The following CCDC144A variants were observed in gnomAD, a reference collection of about 807,000 sequenced individuals.
CCDC144A encodes coiled-coil domain containing 144A.
A neutral mutation model predicts 143.8 loss-of-function variants in CCDC144A; 41 were observed. The observed-to-expected ratio is 0.29, with a 90% CI of 0.22 to 0.37. The LOEUF is 0.37. Among genes scored for constraint, CCDC144A ranks in the 10% least tolerant of loss-of-function variants. The pLI, the probability that CCDC144A is intolerant of heterozygous loss-of-function variation, is 1.00. For synonymous variants in CCDC144A, 242 were observed against 517.9 expected (o/e 0.47, Z 7.23); for missense variants, 637 against 1,488.8 (o/e 0.43, Z 9.41).
chr17:16,728,352 TA>T (rs1386438818), intron 9 of CCDC144A, among the ~76,000 whole-genome samples: 5 of 152,346 alleles, frequency 3.3e-5, no homozygotes, highest in African/African-American at 1.2e-4. Flanking sequence ...GAACATTTTT[TA>T]TATAAATGTT....
At chr17:16,742,536 G>A (rs551695094) in intron 12 of CCDC144A, among the ~76,000 whole-genome samples, 39 of 152,230 alleles carry the variant, frequency 2.6e-4, no homozygotes, top group Non-Finnish European at 3.1e-4. Flanking sequence ...GGGAATACTG[G>A]TATCCCTTTG....
At chr17:16,679,537 C>G in the CCDC144A span, among the ~76,000 whole-genome samples, 2 of 152,012 alleles carry the variant, frequency 1.3e-5, no homozygotes, top group Admixed American at 1.3e-4. Context: ...TTAACACCAC[C>G]ACACACTGGA....
intron 11 of CCDC144A, among the ~76,000 whole-genome samples, chr17:16,734,087 T>C (rs1913882347): frequency 6.7e-6 from 1 of 150,110 alleles, no homozygotes; most frequent in African/African-American, 2.5e-5. Context: ...CTACAGTGAG[T>C]CTTGATTGCG....
At chr17:16,709,918 G>A (rs71360192) in intron 5 of CCDC144A, 30 of 348,336 alleles carry the variant, frequency 8.6e-5, no homozygotes, top group Admixed American at 6.6e-4. Context: ...CAGGAGAGGC[G>A]TCAAGAAAAT....
intron 12 of CCDC144A, among the ~76,000 whole-genome samples, chr17:16,757,859 A>G (rs916647765): frequency 1.3e-5 from 2 of 152,130 alleles, no homozygotes; most frequent in Non-Finnish European, 2.9e-5. Flanking sequence ...CTATTTCCAC[A>G]GGTATATGGT....
intron 6 of CCDC144A, among the ~76,000 whole-genome samples, chr17:16,715,706 CTG>C (rs565013346): frequency 2.7e-3 from 414 of 152,312 alleles, no homozygotes; most frequent in African/African-American, 9.7e-3. Flanking sequence ...ATCAGGCACT[CTG>C]TATTCTGACA....
At chr17:16,718,475 T>TAG (rs1321224383) in intron 6 of CCDC144A, among the ~76,000 whole-genome samples, 1 of 152,226 alleles carries the variant, frequency 6.6e-6, no homozygotes, top group African/African-American at 2.4e-5. Flanking sequence ...AAACTAATTG[T>TAG]CCTTAAAGTG....
chr17:16,670,392 A>T, the CCDC144A span, among the ~76,000 whole-genome samples: 1 of 146,466 alleles, frequency 6.8e-6, no homozygotes, highest in African/African-American at 2.5e-5. Context: ...GGTTCAAGTC[A>T]TTCTCCTGCC....
chr17:16,724,505 G>A, intron 8 of CCDC144A, among the ~76,000 whole-genome samples: 1 of 130,092 alleles, frequency 7.7e-6, no homozygotes, highest in East Asian at 2.3e-4. Context: ...GCGAGACTCC[G>A]TCTCAAAAAA....
At chr17:16,733,235 T>G (rs1913830312) in intron 11 of CCDC144A, among the ~76,000 whole-genome samples, 1 of 148,204 alleles carries the variant, frequency 6.7e-6, no homozygotes, top group Non-Finnish European at 1.5e-5. Flanking sequence ...TAAGTGTTTT[T>G]TCTTAGAAAA....
At chr17:16,716,733 C>T (rs1349124544) in intron 6 of CCDC144A, among the ~76,000 whole-genome samples, 1 of 150,488 alleles carries the variant, frequency 6.6e-6, no homozygotes, top group African/African-American at 2.4e-5. Context: ...TATTTAAAAA[C>T]AAAACCCAAA....
intron 12 of CCDC144A, among the ~76,000 whole-genome samples, chr17:16,760,330 T>C (rs1460037637): frequency 1.3e-5 from 2 of 149,126 alleles, no homozygotes; most frequent in Admixed American, 6.6e-5. Flanking sequence ...AAAACAATCA[T>C]AATTATTTCC....
chr17:16,740,788 G>A (rs1914220703), intron 12 of CCDC144A, among the ~76,000 whole-genome samples: 1 of 152,186 alleles, frequency 6.6e-6, no homozygotes, highest in Non-Finnish European at 1.5e-5. Context: ...TAGAATTTCA[G>A]TTCATTGAAA....
At chr17:16,683,652 T>A in the CCDC144A span, 1 of 1,610,118 alleles carries the variant, frequency 6.2e-7, no homozygotes, top group East Asian at 2.2e-5. Context: ...TGTCAGGAAA[T>A]CTGCAAGCCC....
chr17:16,710,377 A>AT, intron 5 of CCDC144A: 1 of 152,352 alleles, frequency 6.6e-6, no homozygotes, highest in Non-Finnish European at 1.5e-5. Flanking sequence ...AAAAAAAAAA[A>AT]AAAAAGAAAA....
chr17:16,758,118 T>C (rs1915184262), intron 12 of CCDC144A, among the ~76,000 whole-genome samples: 1 of 152,280 alleles, frequency 6.6e-6, no homozygotes, highest in Non-Finnish European at 1.5e-5. Flanking sequence ...CTGTCTATGC[T>C]GTGCATATTA....
At chr17:16,698,233 C>T (rs1911531091) in intron 2 of CCDC144A, among the ~76,000 whole-genome samples, 2 of 152,002 alleles carry the variant, frequency 1.3e-5, no homozygotes, top group African/African-American at 4.8e-5. Context: ...AAGCCTGAGC[C>T]GTGGCTAAAG....
intron 2 of CCDC144A, among the ~76,000 whole-genome samples, chr17:16,700,013 T>A (rs2143070976): frequency 6.6e-6 from 1 of 152,254 alleles, no homozygotes; most frequent in South Asian, 2.1e-4. Context: ...AATAAAAAAT[T>A]GTATAATGCA....
chr17:16,688,343 CACT>C (rs1910853792), upstream of CCDC144A, among the ~76,000 whole-genome samples: 4 of 152,070 alleles, frequency 2.6e-5, no homozygotes, highest in African/African-American at 9.7e-5. Context: ...CTACCCAGGA[CACT>C]GCTGAGCTGT....
Sources: allele counts gnomAD v4.1 joint callset (sites outside exome capture counted in the v4.1 genomes callset), GRCh38; gene constraint gnomAD v4.1.1; transcripts MANE v1.5; gene names NCBI Gene and HGNC (gene_info 2026-07-23, HGNC 2026-07-21).